KAZN: variants seen among roughly 807,000 people sequenced by gnomAD.
KAZN encodes the protein kazrin, periplakin interacting protein.
KAZN carries 40 observed loss-of-function variants against 87.4 expected under a neutral mutation model. That is an observed-to-expected ratio of 0.46 (90% CI 0.36 to 0.60). The LOEUF (loss-of-function observed/expected upper bound fraction) is 0.60, where lower values mean the gene tolerates loss of function less well. Among genes scored for constraint, KAZN ranks in the 20% least tolerant of loss-of-function variants. KAZN has a pLI of 0.00. For synonymous variants in KAZN, 466 were observed against 458.3 expected (o/e 1.02, Z -0.22); for missense variants, 898 against 1,073.9 (o/e 0.84, Z 2.29).
chr1:15,051,614 G>A (rs1446684937), intron 4 of KAZN, among the ~76,000 whole-genome samples: 1 of 152,224 alleles, frequency 6.6e-6, no homozygotes, highest in Admixed American at 6.5e-5. Context: ...GGGAGGAACT[G>A]TCATTATCCC....
intron 1 of KAZN, among the ~76,000 whole-genome samples, chr1:14,068,343 G>C (rs1643100361): frequency 6.6e-6 from 1 of 152,164 alleles, no homozygotes; most frequent in African/African-American, 2.4e-5. Context: ...TTGCTAGATA[G>C]TTTTCTCATT....
chr1:13,969,793 C>T lies in KAZN; in HGVS notation c.91+76037C>T, dbSNP rs189488482. Among the ~76,000 whole-genome samples, 330 of 152,284 alleles carry T rather than the reference C, an allele frequency of 2.2e-3. 4 individuals carry two copies. The highest frequency in any genetic ancestry group is 7.8e-3 in the African/African-American group (326 of 41,562). ...TAGGATGTGTGCCCAGCACACACCA[C>T]AGATAATTATTTTCAGGTAGGCTCC... On this transcript the variant is annotated intron_variant, in intron 1 of 16. Transcript: ENST00000636203.
chr1:14,561,729 C>T (rs1674266093), intron 2 of KAZN, among the ~76,000 whole-genome samples: 1 of 151,988 alleles, frequency 6.6e-6, no homozygotes, highest in Non-Finnish European at 1.5e-5. Flanking sequence ...TATGATGAAA[C>T]CCCATCTCTA....
chr1:15,015,216 G>A (rs573250068), intron 2 of KAZN, among the ~76,000 whole-genome samples: 2 of 151,866 alleles, frequency 1.3e-5, no homozygotes, highest in South Asian at 2.1e-4. Flanking sequence ...GCAGTGGCGC[G>A]ATCTCGGCTC....
chr1:13,982,104 C>T (rs373194156), intron 1 of KAZN, among the ~76,000 whole-genome samples: 31 of 152,102 alleles, frequency 2.0e-4, no homozygotes, highest in African/African-American at 7.0e-4. Context: ...GGCAAAGGTC[C>T]AGGGCCTAGA....
chr1:14,410,457 T>C (rs1294295228), intron 2 of KAZN, among the ~76,000 whole-genome samples: 1 of 151,894 alleles, frequency 6.6e-6, no homozygotes, highest in Admixed American at 6.6e-5. Context: ...TTGGGAAGAG[T>C]TGTTATGGCT....
At chr1:14,904,324 A>AAC in intron 1 of KAZN, among the ~76,000 whole-genome samples, 1 of 151,890 alleles carries the variant, frequency 6.6e-6, no homozygotes, top group Non-Finnish European at 1.5e-5. Context: ...AAAAAAAAAA[A>AAC]AAGAATTGCC....
rs942727157 is a variant in KAZN at position 14,917,408 on chromosome 1, C to T, written c.227-43276C>T. 9.9e-5 allele frequency among the ~76,000 whole-genome samples: 15 copies of T among 152,130 alleles called. 1 individual carries two copies. Among genetic ancestry groups the T allele is most frequent in the African/African-American group, 3.6e-4 (15 of 41,442 alleles). On this transcript the variant is annotated intron_variant, in intron 1 of 14. Transcript: ENST00000376030. ...AGGGCTTCCAAGTCACTTTGGAGCC[C>T]CCAGGAGTGGACGGAGATGACAGTC...
In KAZN at chr1:14,820,136, C is replaced by A. The variant is rs922306726; in HGVS notation, c.227-140548C>A. Among the ~76,000 whole-genome samples the A allele has an allele frequency of 6.6e-6, 1 of 152,156 alleles. No homozygotes were observed. Among genetic ancestry groups the A allele is most frequent in the South Asian group, 2.1e-4 (1 of 4,834 alleles). Reference sequence around the variant, plus strand: ...AATTTATGAAAACAGTTTCCTGGGGCCCTTCCCAAATATGCAGATTCAGTA... The same window carrying A: ...AATTTATGAAAACAGTTTCCTGGGGACCTTCCCAAATATGCAGATTCAGTA... On this transcript the variant is annotated intron_variant, in intron 1 of 14. Coordinates refer to ENST00000376030, the MANE Select transcript of KAZN (RefSeq NM_201628.3). This position sits in a 1 kb window ranked among gnomAD's most constrained non-coding sequence, Gnocchi z 4.1.
At chr1:14,853,491 C>T (rs1487367649) in intron 1 of KAZN, among the ~76,000 whole-genome samples, 2 of 152,126 alleles carry the variant, frequency 1.3e-5, no homozygotes, top group African/African-American at 2.4e-5. Context: ...TGAGGCACAG[C>T]TTACATGCCA....
rs141439657 is a variant in KAZN at position 14,349,911 on chromosome 1, C to T, written c.249+169319C>T. 5.7e-3 allele frequency among the ~76,000 whole-genome samples: 863 copies of T among 151,938 alleles called. 9 individuals are homozygous for T. The highest frequency in any genetic ancestry group is 0.019 in the African/African-American group (789 of 41,422). ...CAGCACTTTGGGAGGCGGAGGAGGG[C>T]GGATCACGAGTTCAGGAGATCGAGA... On this transcript the variant is annotated intron_variant, in intron 2 of 16. Transcript: ENST00000636203.
intron 1 of KAZN, among the ~76,000 whole-genome samples, chr1:14,628,842 C>CTT (rs67908811): frequency 1.7e-4 from 21 of 126,812 alleles, no homozygotes; most frequent in African/African-American, 2.1e-4. Flanking sequence ...CTTTCACATT[C>CTT]TTTTTTTTTT....
At chr1:14,965,118 G>T (rs1359860967) in intron 2 of KAZN, among the ~76,000 whole-genome samples, 1 of 150,802 alleles carries the variant, frequency 6.6e-6, no homozygotes, top group Non-Finnish European at 1.5e-5. Flanking sequence ...TGCAACCTCT[G>T]CCTCCCGGGC....
intron 2 of KAZN, among the ~76,000 whole-genome samples, chr1:14,332,570 G>A (rs1329915580): frequency 6.6e-6 from 1 of 151,480 alleles, no homozygotes; most frequent in African/African-American, 2.4e-5. Context: ...ATTTTTTTGT[G>A]CTCTCATGCC....
rs1452321429 is a variant in KAZN, at chr1:14,386,126, G to A, written c.249+205534G>A. Among the ~76,000 whole-genome samples the A allele has an allele frequency of 1.6e-4, 23 of 147,254 alleles. 2 individuals are homozygous for A. The highest frequency in any genetic ancestry group is 1.5e-3 in the Admixed American group (22 of 14,838). ...TTAAAGTCTGTTTTATCAGAGACTA[G>A]GATTGCAACCCCTGCCTTTTTTTGT... On this transcript the variant is annotated intron_variant, in intron 2 of 16. Transcript: ENST00000636203.
intron 1 of KAZN, among the ~76,000 whole-genome samples, chr1:14,959,848 G>A (rs1663630160): frequency 6.6e-6 from 1 of 152,130 alleles, no homozygotes; most frequent in African/African-American, 2.4e-5. Flanking sequence ...TACCTTGGTT[G>A]ACACGGCTCT....
At chr1:14,482,754 A>T (rs1669149384) in intron 2 of KAZN, among the ~76,000 whole-genome samples, 1 of 152,088 alleles carries the variant, frequency 6.6e-6, no homozygotes, top group Non-Finnish European at 1.5e-5. Flanking sequence ...GGAACTTCCC[A>T]AGCCTGCTGA....
chr1:14,667,276 A>T (rs1639622282), intron 1 of KAZN, among the ~76,000 whole-genome samples: 1 of 152,182 alleles, frequency 6.6e-6, no homozygotes, highest in Non-Finnish European at 1.5e-5. Flanking sequence ...AGAGTCCATC[A>T]GCATCCTCAG....
intron 2 of KAZN, among the ~76,000 whole-genome samples, chr1:14,324,841 T>C (rs1478591456): frequency 6.6e-6 from 1 of 152,202 alleles, no homozygotes; most frequent in African/African-American, 2.4e-5. Flanking sequence ...GTTCTTTAAA[T>C]AATTTGATAT....
Sources: allele counts gnomAD v4.1 joint callset (sites outside exome capture counted in the v4.1 genomes callset), GRCh38; gene constraint gnomAD v4.1.1; non-coding constraint Gnocchi (gnomAD v3.1); transcripts MANE v1.5; gene names NCBI Gene and HGNC (gene_info 2026-07-23, HGNC 2026-07-21).